Variants in OR1B1 observed in about 807,000 individuals in gnomAD.
The protein encoded by OR1B1 is olfactory receptor 1B1.
For synonymous variants in OR1B1, 168 were observed against 156.2 expected (o/e 1.08, Z -0.57); for missense variants, 414 against 402.1 (o/e 1.03, Z -0.25).
the OR1B1 span, among the ~76,000 whole-genome samples, chr9:122,655,415 C>T: frequency 6.6e-6 from 1 of 152,048 alleles, no homozygotes; most frequent in South Asian, 2.1e-4. Context: ...ATGACAGAGC[C>T]TTACCTAAAT....
chr9:122,652,836 G>A, the OR1B1 span, among the ~76,000 whole-genome samples: 3,377 of 152,196 alleles, frequency 0.022, 128 homozygotes, highest in African/African-American at 0.078. Context: ...GAAGGATATA[G>A]GGGAATAACT....
chr9:122,637,376 C>T, the OR1B1 span: 1 of 152,174 alleles, frequency 6.6e-6, no homozygotes, highest in Non-Finnish European at 1.5e-5. Context: ...TAATTCAAAC[C>T]CTGTCTGATC....
the OR1B1 span, among the ~76,000 whole-genome samples, chr9:122,653,535 G>C: frequency 6.6e-6 from 1 of 151,924 alleles, no homozygotes; most frequent in Non-Finnish European, 1.5e-5. Context: ...TATTACTGTT[G>C]GTATCCTTCA....
upstream of OR1B1, chr9:122,629,631 C>T (rs1043216249): frequency 4.8e-5 from 38 of 786,298 alleles, no homozygotes; most frequent in Middle Eastern, 8.1e-4. Context: ...AATTATATTA[C>T]GTTACTAAAG....
chr9:122,656,669 G>A, the OR1B1 span, among the ~76,000 whole-genome samples: 2 of 152,126 alleles, frequency 1.3e-5, no homozygotes, highest in South Asian at 2.1e-4. Flanking sequence ...TGCCCCATCT[G>A]TGGTATTCCA....
chr9:122,655,216 G>A, the OR1B1 span, among the ~76,000 whole-genome samples: 1 of 152,104 alleles, frequency 6.6e-6, no homozygotes, highest in Non-Finnish European at 1.5e-5. Flanking sequence ...AGGGGTCAAA[G>A]AGGAAGGAAA....
chr9:122,632,018 A>G (rs143964468), upstream of OR1B1, among the ~76,000 whole-genome samples: 3 of 152,300 alleles, frequency 2.0e-5, no homozygotes, highest in East Asian at 5.8e-4. Flanking sequence ...AGGTAAAAGC[A>G]TTGGAGTACC....
chr9:122,634,847 T>A, the OR1B1 span, among the ~76,000 whole-genome samples: 3 of 152,088 alleles, frequency 2.0e-5, no homozygotes, highest in Admixed American at 2.0e-4. Context: ...CCTGCTAGGA[T>A]GGTTATTATG....
exon 1 of OR1B1, chr9:122,629,372 G>T: frequency 6.2e-7 from 1 of 1,614,090 alleles, no homozygotes; most frequent in Non-Finnish European, 8.5e-7. Flanking sequence ...GTGCAGTCTG[G>T]AGTCCCAGGA....
the OR1B1 span, among the ~76,000 whole-genome samples, chr9:122,643,414 T>A: frequency 6.6e-6 from 1 of 152,188 alleles, no homozygotes; most frequent in Non-Finnish European, 1.5e-5. Flanking sequence ...ATGGAGTATT[T>A]GGACCAGCAC....
the OR1B1 span, among the ~76,000 whole-genome samples, chr9:122,643,200 G>C: frequency 0.01 from 1,591 of 152,260 alleles, 23 homozygotes; most frequent in African/African-American, 0.036. Context: ...ATCATGGAAG[G>C]CTATTGAGAA....
chr9:122,657,024 A>AT, the OR1B1 span, among the ~76,000 whole-genome samples: 8 of 151,828 alleles, frequency 5.3e-5, 1 homozygote, highest in South Asian at 1.5e-3. Context: ...TTCTAGTTTA[A>AT]TTTTTTTTCA....
At chr9:122,641,096 A>G in the OR1B1 span, among the ~76,000 whole-genome samples, 2 of 152,198 alleles carry the variant, frequency 1.3e-5, no homozygotes, top group African/African-American at 4.8e-5. Flanking sequence ...GAGGTCATGA[A>G]AATATTCCTC....
At chr9:122,638,289 CA>C in the OR1B1 span, among the ~76,000 whole-genome samples, 5 of 151,902 alleles carry the variant, frequency 3.3e-5, no homozygotes, top group South Asian at 2.1e-4. Flanking sequence ...AGAACTGAAA[CA>C]AAAAAGGGCA....
chr9:122,652,478 G>A, the OR1B1 span, among the ~76,000 whole-genome samples: 2 of 152,066 alleles, frequency 1.3e-5, no homozygotes, highest in South Asian at 2.1e-4. Flanking sequence ...CAACTCCACC[G>A]TTATTGATTT....
the OR1B1 span, among the ~76,000 whole-genome samples, chr9:122,652,498 T>A: frequency 1.3e-5 from 2 of 152,242 alleles, no homozygotes; most frequent in Non-Finnish European, 2.9e-5. Flanking sequence ...TAGTTTCACT[T>A]AAACCACATC....
the OR1B1 span, among the ~76,000 whole-genome samples, chr9:122,641,262 A>C: frequency 2.0e-5 from 3 of 152,210 alleles, no homozygotes. Flanking sequence ...ATATGTGTGT[A>C]TAAGCCCTAT....
chr9:122,629,274 C>T lies in OR1B1; in HGVS notation c.262G>A (p.Val88Ile). ...GCAGGAATGGTTGGGTAATGAGAGA[C>T]CAAATGGGCCAGCAACTGGGGCAGT... Residue 88 changes from valine (V) to isoleucine (I), a missense_variant, in exon 1 of 1, where the codon GTC becomes ATC. Transcript: ENST00000623530. The T allele has an allele frequency of 1.2e-6, 2 of 1,614,088 alleles. No homozygotes were observed. The highest frequency in any genetic ancestry group is 1.7e-6 in the Non-Finnish European group (2 of 1,180,012).
chr9:122,632,534 C>G (rs1830212949), upstream of OR1B1, among the ~76,000 whole-genome samples: 1 of 152,132 alleles, frequency 6.6e-6, no homozygotes, highest in Non-Finnish European at 1.5e-5. Context: ...AAGCAGTATA[C>G]ACAGCACCCA....
Sources: gnomAD v4.1 joint callset for allele counts (sites outside exome capture counted in the v4.1 genomes callset) on GRCh38, gnomAD v4.1.1 for gene constraint, MANE v1.5 for transcripts, NCBI Gene and HGNC (gene_info 2026-07-23, HGNC 2026-07-21) for gene names.